The following BCAP31 variants were observed in gnomAD, a reference collection of about 807,000 sequenced individuals.
BCAP31 encodes B cell receptor associated protein 31, also known as B-cell receptor-associated protein 31.
For missense variants in BCAP31, 124 were observed against 193.0 expected (o/e 0.64, Z 2.12); for synonymous variants, 75 against 80.9 (o/e 0.93, Z 0.39).
chrX:153,704,650 C>T (rs1202495242), intron 4 of BCAP31, among the ~76,000 whole-genome samples: 1 of 111,975 alleles, frequency 8.9e-6, no homozygotes, highest in Non-Finnish European at 1.9e-5. Flanking sequence ...GCTGGAATTC[C>T]AAATTATGTC....
chrX:153,723,645 G>C, intron 1 of BCAP31: 1 of 1,163,792 alleles, frequency 8.6e-7, no homozygotes, highest in Non-Finnish European at 1.1e-6. Context: ...GCACCAAGAG[G>C]AGGACGCCTC....
chrX:153,721,011 G>T, intron 2 of BCAP31, 39 bp from the exon 3 acceptor site: 1 of 1,135,729 alleles, frequency 8.8e-7, no homozygotes, highest in Non-Finnish European at 1.2e-6. Flanking sequence ...TGAAGAGAAA[G>T]CACACACACG....
In BCAP31 at chrX:153,706,656, C is replaced by T. The variant is rs192439237; in HGVS notation, c.342-2562G>A. 3.3e-3 allele frequency among the ~76,000 whole-genome samples: 373 copies of T among 112,915 alleles called. 3 individuals carry two copies. The highest frequency in any genetic ancestry group is 0.011 in the African/African-American group (329 of 31,078). On this transcript the variant is annotated intron_variant, in intron 4 of 7. Transcript: ENST00000345046. ...GACTCATACCTAACCTCCTGCTAAACATTGGCTCCTGGATGTCCCCAGAGA... is the reference window on the plus strand; with the variant it reads ...GACTCATACCTAACCTCCTGCTAAATATTGGCTCCTGGATGTCCCCAGAGA...
chrX:153,707,011 A>G (rs1249552994), intron 4 of BCAP31, among the ~76,000 whole-genome samples: 6 of 110,836 alleles, frequency 5.4e-5, no homozygotes, highest in African/African-American at 2.0e-4. Flanking sequence ...TTCACTAACC[A>G]CGTGGCCCCC....
intron 4 of BCAP31, among the ~76,000 whole-genome samples, chrX:153,706,616 T>A (rs189352967): frequency 8.9e-6 from 1 of 112,784 alleles, no homozygotes; most frequent in African/African-American, 3.2e-5. Flanking sequence ...CCGAAAGGGT[T>A]TTCTCTGTGG....
intron 7 of BCAP31, 92 bp downstream of exon 7, chrX:153,701,915 T>C (rs2091520726): frequency 1.8e-5 from 15 of 847,349 alleles, no homozygotes; most frequent in Non-Finnish European, 2.5e-5. Context: ...AGCCAGCCCC[T>C]GGGCCCCTGG....
chrX:153,715,791 C>T, intron 3 of BCAP31, 102 bp from the exon 4 acceptor site: 14 of 984,076 alleles, frequency 1.4e-5, no homozygotes, highest in Non-Finnish European at 2.0e-5. Flanking sequence ...AGACTCACTT[C>T]CCTCAAATCC....
At chrX:153,711,918 A>AG (rs1297349623) in intron 4 of BCAP31, among the ~76,000 whole-genome samples, 60 of 108,629 alleles carry the variant, frequency 5.5e-4, no homozygotes, top group Non-Finnish European at 1.0e-3. Flanking sequence ...AAAAAAAAAA[A>AG]AAGAAAGAAA....
rs1557047229 is a variant in BCAP31, at chrX:153,700,958, G to A, written c.720C>T (p.Pro240=). ...GCCCTTACTCTTCCTTCTTGTCCAT[G>A]GGACCATCTACTGCAGCCTGGAAAG... The part of the protein sequence containing the change: ...HAKLQAAVDG[P]MDKKEE Residue 240 remains proline (P), a synonymous_variant, in exon 8 of 8, where the codon CCC becomes CCT. Transcript: ENST00000345046. 8 of 1,207,447 alleles carry A rather than the reference G, an allele frequency of 6.6e-6. No homozygotes were observed. The highest frequency in any genetic ancestry group is 3.0e-5 in the East Asian group (1 of 33,376).
chrX:153,701,049 C>T, intron 7 of BCAP31, 74 bp from the exon 8 acceptor site: 10 of 946,801 alleles, frequency 1.1e-5, no homozygotes, highest in Middle Eastern at 2.6e-4. Flanking sequence ...CAGCCCCATG[C>T]CCCAGAGGTC....
rs781831472 is a variant in BCAP31 at position 153,723,209 on chromosome X, G to C, written c.36C>G (p.Leu12=). The stretch of plus-strand genomic sequence containing the variant: ...GCAACACAACAAAGACCTCCGCATA[G>C]AGGAAGGTGGCAACTGCAGTCCACT... ...SLQWTAVATF[L]YAEVFVVLLL... Residue 12 remains leucine (L), a synonymous_variant, in exon 2 of 8, where the codon CTC becomes CTG. Coordinates refer to ENST00000345046, the MANE Select transcript of BCAP31 (RefSeq NM_001256447.2). The C allele has an allele frequency of 3.3e-6, 4 of 1,208,579 alleles. No individual in the cohort carries two copies. The highest frequency in any genetic ancestry group is 4.5e-6 in the Non-Finnish European group (4 of 894,202).
intron 4 of BCAP31, 144 bp downstream of exon 4, chrX:153,715,398 T>A: frequency 1.1e-6 from 1 of 935,476 alleles, no homozygotes; most frequent in Non-Finnish European, 1.5e-6. Flanking sequence ...GTGGCTTCCC[T>A]AACACAGACA....
intron 2 of BCAP31, among the ~76,000 whole-genome samples, chrX:153,722,376 C>T (rs2091673038): frequency 1.8e-5 from 2 of 111,471 alleles, no homozygotes; most frequent in South Asian, 7.5e-4. Flanking sequence ...TTCCAGTTTC[C>T]TTTGTGTAGA....
At chrX:153,708,371 T>C (rs12009204) in intron 4 of BCAP31, among the ~76,000 whole-genome samples, 4,467 of 112,153 alleles carry the variant, frequency 0.04, 190 homozygotes, top group African/African-American at 0.13. Flanking sequence ...ACGGGCTTAA[T>C]AGGAAATGGA....
chrX:153,717,480 C>T (rs922231579), intron 3 of BCAP31, among the ~76,000 whole-genome samples: 5 of 112,609 alleles, frequency 4.4e-5, no homozygotes, highest in Non-Finnish European at 9.4e-5. Flanking sequence ...CTCTGTCACC[C>T]AGGCTTGAGT....
intron 1 of BCAP31, chrX:153,723,792 A>ATGGAGATTGTGTAGATCT: frequency 1.2e-6 from 1 of 828,064 alleles, no homozygotes; most frequent in Non-Finnish European, 1.7e-6. Flanking sequence ...CCCGCCTCCC[A>ATGGAGATTGTGTAGATCT]CCGTCCCCAC....
chrX:153,716,305 G>A (rs2091627140), intron 3 of BCAP31, among the ~76,000 whole-genome samples: 1 of 110,229 alleles, frequency 9.1e-6, no homozygotes, highest in Non-Finnish European at 1.9e-5. Context: ...TTCTGGAAAT[G>A]GGGGTGGCTT....
intron 4 of BCAP31, among the ~76,000 whole-genome samples, chrX:153,704,344 G>A (rs1557048003): frequency 8.9e-6 from 1 of 112,483 alleles, no homozygotes; most frequent in Admixed American, 9.4e-5. Context: ...GCAGGAGCCT[G>A]GGGGGCTGGG....
chrX:153,713,881 CTTTTTTTTTTTT>C (rs1209475410), intron 4 of BCAP31, among the ~76,000 whole-genome samples: 4 of 63,532 alleles, frequency 6.3e-5, no homozygotes, highest in African/African-American at 2.2e-4. Context: ...CGATACTATT[CTTTTTTTTTTTT>C]TTTTTTTTTT....
Sources: gnomAD v4.1 joint callset for allele counts (sites outside exome capture counted in the v4.1 genomes callset) on GRCh38, gnomAD v4.1.1 for gene constraint, MANE v1.5 for transcripts, NCBI Gene and HGNC (gene_info 2026-07-23, HGNC 2026-07-21) for gene names.